The following ATIC variants were observed in gnomAD, a reference collection of about 807,000 sequenced individuals.
ATIC encodes 5-aminoimidazole-4-carboxamide ribonucleotide formyltransferase/IMP cyclohydrolase.
A neutral mutation model predicts 72.5 loss-of-function variants in ATIC; 64 were observed. The observed-to-expected ratio is 0.88, with a 90% confidence interval of 0.72 to 1.09. ATIC has a LOEUF of 1.09. ATIC is among the 50% of genes least tolerant of loss of function. The probability of loss-of-function intolerance (pLI) is 0.00; values close to 1 mark genes in which losing one functional copy is unlikely to be tolerated. For missense variants in ATIC, 787 were observed against 732.4 expected (o/e 1.07, Z -0.86); for synonymous variants, 281 against 267.1 (o/e 1.05, Z -0.51).
At chr2:215,327,889 ATTTT>A (rs140657850) in intron 7 of ATIC, among the ~76,000 whole-genome samples, 16 of 146,696 alleles carry the variant, frequency 1.1e-4, no homozygotes, top group Admixed American at 4.0e-4. Context: ...CCTCAGATAG[ATTTT>A]TTTTTTTTTT....
intron 7 of ATIC, among the ~76,000 whole-genome samples, chr2:215,331,236 A>G (rs2052890252): frequency 6.6e-6 from 1 of 152,044 alleles, no homozygotes; most frequent in African/African-American, 2.4e-5. Context: ...AGAGGGTTGC[A>G]GGGACGGTTT....
chr2:215,357,036 C>A, the ATIC span, among the ~76,000 whole-genome samples: 1 of 152,226 alleles, frequency 6.6e-6, no homozygotes, highest in Admixed American at 6.5e-5. Flanking sequence ...CACCGTTTTA[C>A]ATTTCCACCA....
At position 215,312,236 on chromosome 2, in the gene ATIC, GCGGGA is replaced by G. The variant is rs778296510; in HGVS notation, c.19+77_19+81del. ...CACGCTCCCGCCTTGGCGGCGGCCG[GCGGGA>G]CCCGGCACTGCAGGGGCGGCGCTGC... On this transcript the variant is annotated intron_variant, in intron 1 of 15. Coordinates refer to ENST00000236959, the MANE Select transcript of ATIC (RefSeq NM_004044.7). 9.0e-6 allele frequency: 13 copies of G among 1,442,890 alleles called. No homozygotes were observed. In the South Asian group the frequency reaches 1.9e-4, roughly 21 times the overall value. The allele number at this position is 1,442,890 out of a possible 1,614,324, so 89.4% of individuals were successfully genotyped here.
chr2:215,312,292 C>A, intron 1 of ATIC, 131 bp downstream of exon 1: 1 of 1,443,704 alleles, frequency 6.9e-7, no homozygotes, highest in Non-Finnish European at 9.2e-7. Flanking sequence ...CGTCCCCGCT[C>A]CCCGGCCGGG....
At chr2:215,323,931 T>C (rs940315033) in intron 4 of ATIC, among the ~76,000 whole-genome samples, 1 of 152,150 alleles carries the variant, frequency 6.6e-6, no homozygotes, top group African/African-American at 2.4e-5. Flanking sequence ...CCTGGCTAAT[T>C]TTGTATTTTT....
the ATIC span, among the ~76,000 whole-genome samples, chr2:215,364,060 C>CT: frequency 2.6e-5 from 4 of 152,204 alleles, no homozygotes; most frequent in Admixed American, 2.0e-4. Context: ...CCAGTTCATG[C>CT]TTCTCTTTCT....
intron 12 of ATIC, 132 bp downstream of exon 12, chr2:215,339,039 TTG>T (rs2052987954): frequency 8.0e-7 from 1 of 1,248,646 alleles, no homozygotes; most frequent in Admixed American, 1.8e-5. Context: ...TAGCTTATCT[TTG>T]AGTTGTCACA....
chr2:215,365,667 T>A, the ATIC span: 1 of 1,610,740 alleles, frequency 6.2e-7, no homozygotes, highest in Non-Finnish European at 8.5e-7. Context: ...AAAAAGTTAT[T>A]TGTATATTCT....
chr2:215,335,423 G>T (rs1195057980), intron 10 of ATIC, among the ~76,000 whole-genome samples: 5 of 152,118 alleles, frequency 3.3e-5, no homozygotes, highest in Admixed American at 6.5e-5. Context: ...ACAGGTGGGG[G>T]TACTGTTGGT....
chr2:215,358,868 G>A, the ATIC span, among the ~76,000 whole-genome samples: 1 of 152,270 alleles, frequency 6.6e-6, no homozygotes, highest in East Asian at 1.9e-4. Flanking sequence ...AACTGTATTT[G>A]CCTAAACTGC....
At chr2:215,323,916 C>T (rs2052795589) in intron 4 of ATIC, among the ~76,000 whole-genome samples, 2 of 152,194 alleles carry the variant, frequency 1.3e-5, no homozygotes, top group South Asian at 4.1e-4. Flanking sequence ...GCATGTGCCA[C>T]CTTGCCTGGC....
chr2:215,367,958 A>G, the ATIC span: 811 of 1,614,108 alleles, frequency 5.0e-4, 9 homozygotes, highest in South Asian at 8.3e-3. Context: ...CTCATCTCCA[A>G]CGGCATAATG....
chr2:215,366,180 G>T, the ATIC span, among the ~76,000 whole-genome samples: 1 of 151,856 alleles, frequency 6.6e-6, no homozygotes, highest in African/African-American at 2.4e-5. Flanking sequence ...ATTTTCTAGG[G>T]CATTTTAAGA....
At chr2:215,360,340 A>T in the ATIC span, 1 of 152,274 alleles carries the variant, frequency 6.6e-6, no homozygotes, top group Non-Finnish European at 1.5e-5. Context: ...CTGGGAGTTT[A>T]TCAAGCCATG....
intron 11 of ATIC, 92 bp from the exon 12 acceptor site, chr2:215,338,685 CTT>C (rs2052983327): frequency 5.2e-6 from 7 of 1,358,194 alleles, no homozygotes; most frequent in Non-Finnish European, 7.1e-6. Flanking sequence ...ATGCATATAA[CTT>C]TACTTACAAT....
At chr2:215,335,873 C>T in intron 10 of ATIC, 162 bp from the exon 11 acceptor site, 1 of 614,146 alleles carries the variant, frequency 1.6e-6, no homozygotes, top group Non-Finnish European at 2.8e-6. Flanking sequence ...AAGCTGTATT[C>T]TAATAGATTT....
intron 11 of ATIC, 149 bp from the exon 12 acceptor site, chr2:215,338,630 T>C (rs2052982564): frequency 4.0e-6 from 3 of 749,716 alleles, no homozygotes; most frequent in South Asian, 3.8e-5. Context: ...TCATTTGTTG[T>C]GTGAGAAAAA....
At chr2:215,321,468 T>C (rs1472908012) in intron 4 of ATIC, among the ~76,000 whole-genome samples, 3 of 152,230 alleles carry the variant, frequency 2.0e-5, no homozygotes, top group Non-Finnish European at 4.4e-5. Flanking sequence ...TGTGTGGACA[T>C]ACACATTCGT....
In ATIC at chr2:215,323,352, G is replaced by A. The variant is rs1476902738; in HGVS notation, c.291-1889G>A. ...CCATTTCTGCAAAACAACGCAGTTGGAATTTTCATAGGTATTGTGTTGAAT... is the reference window on the plus strand; with the variant it reads ...CCATTTCTGCAAAACAACGCAGTTGAAATTTTCATAGGTATTGTGTTGAAT... On this transcript the variant is annotated intron_variant, in intron 4 of 15. Coordinates refer to ENST00000236959, the MANE Select transcript of ATIC (RefSeq NM_004044.7). Among the ~76,000 whole-genome samples, 8 of 152,124 alleles carry A rather than the reference G, an allele frequency of 5.3e-5. 1 individual carries two copies.
Sources: gnomAD v4.1 joint callset for allele counts (sites outside exome capture counted in the v4.1 genomes callset) on GRCh38, gnomAD v4.1.1 for gene constraint, MANE v1.5 for transcripts, NCBI Gene and HGNC (gene_info 2026-07-23, HGNC 2026-07-21) for gene names.